Variants in TTF1 observed in about 807,000 individuals in gnomAD.
The protein encoded by TTF1 is transcription termination factor, RNA polymerase I.
A neutral mutation model predicts 80.2 loss-of-function variants in TTF1; 64 were observed. The ratio of observed to expected loss-of-function variants is 0.80; its 90% confidence interval spans 0.65 to 0.98. The LOEUF (loss-of-function observed/expected upper bound fraction) is 0.98. Among genes scored for constraint, TTF1 ranks in the 50% least tolerant of loss-of-function variants. TTF1 has a pLI of 0.00. For missense variants in TTF1, 1,023 were observed against 1,086.2 expected (o/e 0.94, Z 0.82); for synonymous variants, 372 against 382.7 (o/e 0.97, Z 0.33).
chr9:132,396,678 T>G (rs1048859704), intron 4 of TTF1, among the ~76,000 whole-genome samples, 167 bp from the exon 5 acceptor site: 14 of 150,504 alleles, frequency 9.3e-5, no homozygotes, highest in African/African-American at 2.7e-4. Flanking sequence ...TTGTTTGTTT[T>G]TTTTTTTTTG....
In TTF1 at chr9:132,402,060, C is replaced by T. The variant is rs1407417584; in HGVS notation, c.762G>A (p.Gln254=). 1 of 1,614,104 alleles carries T rather than the reference C, an allele frequency of 6.2e-7. No individual in the cohort carries two copies. Among genetic ancestry groups the T allele is most frequent in the Admixed American group, 1.7e-5 (1 of 60,010 alleles). Residue 254 remains glutamine (Q), a synonymous_variant, in exon 2 of 11, where the codon CAG becomes CAA. Transcript: ENST00000334270. ...REAGTDMQES[Q]PTVGLDDETP... is the part of the protein sequence containing the mutation. ...TTTCATCATCCAAGCCCACAGTAGG[C>T]TGGGATTCCTGCATATCAGTCCCGG...
chr9:132,399,143 G>C (rs1849710953), intron 3 of TTF1, among the ~76,000 whole-genome samples: 1 of 147,500 alleles, frequency 6.8e-6, no homozygotes, highest in Admixed American at 6.9e-5. Context: ...AGGTTGCAGT[G>C]AGCCGAGATC....
chr9:132,393,918 A>G (rs1036396377), intron 5 of TTF1, among the ~76,000 whole-genome samples: 1 of 151,550 alleles, frequency 6.6e-6, no homozygotes, highest in Non-Finnish European at 1.5e-5. Flanking sequence ...AAAAAATACA[A>G]TTTCTTTTTT....
In TTF1 at chr9:132,396,415, C is replaced by A. The variant is rs1420787355; in HGVS notation, c.1856+18G>T. ...ACTAGAGAAATGTTGTCTCAAGCTGCTAAGACTTTTTTCTTACCTGCCTTT... is the reference window on the plus strand; with the variant it reads ...ACTAGAGAAATGTTGTCTCAAGCTGATAAGACTTTTTTCTTACCTGCCTTT... On this transcript the variant is annotated intron_variant, in intron 5 of 10. Coordinates refer to ENST00000334270, the MANE Select transcript of TTF1 (RefSeq NM_007344.4). 1 of 1,612,744 alleles carries A rather than the reference C, an allele frequency of 6.2e-7. No homozygotes were observed. Among genetic ancestry groups the A allele is most frequent in the Non-Finnish European group, 8.5e-7 (1 of 1,178,718 alleles).
At position 132,401,673 on chromosome 9, in the gene TTF1, G is replaced by C; in HGVS notation, c.1149C>G (p.Asn383Lys). 3 of 1,614,170 alleles carry C rather than the reference G, an allele frequency of 1.9e-6. No homozygotes were observed. The highest frequency in any genetic ancestry group is 1.6e-4 in the Middle Eastern group (1 of 6,062). The change falls in exon 2 of 11, where the codon AAC (asparagine) becomes AAG (lysine). Residue 383 changes from asparagine (N) to lysine (K), a missense_variant. Physicochemically the swap from Asn to Lys is moderately conservative, Grantham distance 94. Transcript: ENST00000334270. ...STALKGFKES[N>K]STKKKSKKRK... is the part of the protein sequence containing the mutation. ...TTTTCTTAGACTTCTTCTTTGTACTGTTGGATTCCTTGAACCCTTTAAGAG... is the reference window on the plus strand; with the variant it reads ...TTTTCTTAGACTTCTTCTTTGTACTCTTGGATTCCTTGAACCCTTTAAGAG...
In TTF1 at chr9:132,386,560, T is replaced by C. The variant is rs369763860; in HGVS notation, c.2374A>G (p.Ile792Val). ...EIDWEDLASA[I>V]GDVPPSYVQT... The stretch of plus-strand genomic sequence containing the variant: ...ATATTAAACAAATGGTCTTACCCTA[T>C]GGCACTAGCAAGATCTTCCCAGTCT... Residue 792 changes from isoleucine to valine, a missense_variant, in exon 9 of 11, where the codon ATA (isoleucine) becomes GTA (valine). By Grantham distance (29) the Ile-to-Val change is conservative. Transcript: ENST00000334270. 18 of 1,610,254 alleles carry C rather than the reference T, an allele frequency of 1.1e-5. No individual in the cohort carries two copies. Among genetic ancestry groups the C allele is most frequent in the Non-Finnish European group, 1.5e-5 (18 of 1,176,704 alleles).
At chr9:132,386,703 C>G in intron 8 of TTF1, 82 bp from the exon 9 acceptor site, 3 of 1,183,268 alleles carry the variant, frequency 2.5e-6, no homozygotes, top group African/African-American at 1.5e-5. Flanking sequence ...GTGCTGAGAG[C>G]TGGAAGGTAT....
Position 132,402,420 on chromosome 9 carries a change from C to A in TTF1, c.402G>T (p.Gln134His), listed in dbSNP as rs151133115. 2 of 1,614,088 alleles carry A rather than the reference C, an allele frequency of 1.2e-6. No individual in the cohort carries two copies. The highest frequency in any genetic ancestry group is 2.7e-5 in the African/African-American group (2 of 74,916). Residue 134 changes from glutamine to histidine, a missense_variant, in exon 2 of 11, where the codon CAG becomes CAT. By Grantham distance (24) the Gln-to-His change is conservative. Transcript: ENST00000334270. Reference sequence around the variant, plus strand: ...CTGTTTTAGGCTTTCTTGGTAACTTCTGTTCTATGCTCATATCAACACAAA... The same window carrying A: ...CTGTTTTAGGCTTTCTTGGTAACTTATGTTCTATGCTCATATCAACACAAA... The part of the protein sequence containing the change: ...DVVCVDMSIE[Q>H]KLPRKPKTDK...
intron 2 of TTF1, 113 bp downstream of exon 2, chr9:132,401,342 A>C: frequency 1.0e-6 from 1 of 961,786 alleles, no homozygotes; most frequent in East Asian, 3.7e-5. Flanking sequence ...TAAATAAATA[A>C]ATAAATAAAA....
At chr9:132,381,498 G>A (rs917100276) in intron 9 of TTF1, among the ~76,000 whole-genome samples, 4 of 152,050 alleles carry the variant, frequency 2.6e-5, no homozygotes, top group Admixed American at 1.3e-4. Context: ...CCGAAAAGTT[G>A]AATTTTTAAA....
intron 7 of TTF1, among the ~76,000 whole-genome samples, chr9:132,390,085 C>T (rs1319535418): frequency 6.6e-6 from 1 of 152,184 alleles, no homozygotes; most frequent in Non-Finnish European, 1.5e-5. Context: ...AAGCGATTCT[C>T]CTGCCTCAGC....
chr9:132,376,533 C>A (rs1292811333), intron 10 of TTF1, among the ~76,000 whole-genome samples: 1 of 152,128 alleles, frequency 6.6e-6, no homozygotes, highest in Non-Finnish European at 1.5e-5. Flanking sequence ...AGGAGAAATA[C>A]CAGTGCCGTG....
At chr9:132,398,487 C>T (rs1849699141) in intron 3 of TTF1, among the ~76,000 whole-genome samples, 161 bp from the exon 4 acceptor site, 1 of 152,236 alleles carries the variant, frequency 6.6e-6, no homozygotes, top group African/African-American at 2.4e-5. Flanking sequence ...GCCTTTCCTT[C>T]AGGGTTCAGC....
Position 132,390,585 on chromosome 9 carries a change from G to C in TTF1, c.2222+12C>G, listed in dbSNP as rs781305703. The C allele has an allele frequency of 6.2e-6, 10 of 1,611,410 alleles. No homozygotes were observed. The South Asian group carries it at 9.9e-5, about 16-fold the overall frequency. On this transcript the variant is annotated intron_variant, in intron 7 of 10. Transcript: ENST00000334270. ...GCTGGAGAGACAGAGAAAGAGAGAG[G>C]GAAGAACTTACCACTTACTTTTACA...
Position 132,401,890 on chromosome 9 carries a change from C to T in TTF1, c.932G>A (p.Arg311Gln), listed in dbSNP as rs576597360. ...SEVGADMQES[R>Q]PAVGLHGETA... is the part of the protein sequence containing the mutation. Reference sequence around the variant, plus strand: ...TTCACCATGCAGGCCCACAGCAGGCCGGGATTCCTGCATATCAGCCCCAAC... The same window carrying T: ...TTCACCATGCAGGCCCACAGCAGGCTGGGATTCCTGCATATCAGCCCCAAC... Residue 311 changes from arginine to glutamine, a missense_variant, in exon 2 of 11, where the codon CGG becomes CAG. Physicochemically the swap from Arg to Gln is conservative, Grantham distance 43 (BLOSUM62 1). Transcript: ENST00000334270. 1.5e-5 allele frequency: 24 copies of T among 1,610,472 alleles called. 1 individual carries two copies. The highest frequency in any genetic ancestry group is 1.5e-4 in the African/African-American group (11 of 74,660).
intron 3 of TTF1, 138 bp downstream of exon 3, chr9:132,399,897 T>C (rs1459614993): frequency 7.5e-6 from 7 of 928,160 alleles, no homozygotes; most frequent in Non-Finnish European, 1.1e-5. Context: ...GCTTGGACAA[T>C]TCTGGTAGGA....
chr9:132,402,618 T>C lies in TTF1; in HGVS notation c.204A>G (p.Lys68=). The change falls in exon 2 of 11, where the codon AAA becomes AAG. Residue 68 remains lysine, a synonymous_variant. Transcript: ENST00000334270. ...CAGTCTCATCACAGATTCTGGATTTTTTCAAAGGAGAAGAAATGAGATGCT... is the reference window on the plus strand; with the variant it reads ...CAGTCTCATCACAGATTCTGGATTTCTTCAAAGGAGAAGAAATGAGATGCT... ...DFQHLISSPL[K]KSRICDETAN... 6.2e-7 allele frequency: 1 copy of C among 1,613,448 alleles called. No individual in the cohort carries two copies. Among genetic ancestry groups the C allele is most frequent in the Non-Finnish European group, 8.5e-7 (1 of 1,179,854 alleles).
At chr9:132,379,656 C>A (rs769690233) in intron 9 of TTF1, among the ~76,000 whole-genome samples, 1 of 152,180 alleles carries the variant, frequency 6.6e-6, no homozygotes, top group Admixed American at 6.5e-5. Flanking sequence ...TAGTGTGACT[C>A]CAGATCCTAC....
In TTF1 at chr9:132,400,036, T is replaced by C. The variant is rs1849731165; in HGVS notation, c.1590A>G (p.Gln530=). 3 of 1,614,092 alleles carry C rather than the reference T, an allele frequency of 1.9e-6. No individual in the cohort carries two copies. Among genetic ancestry groups the C allele is most frequent in the African/African-American group, 1.3e-5 (1 of 74,924 alleles). ...AACACTAAGGCCCCACAAGCTCACC[T>C]TGTGCTTTAAATTCCTTAAACCGTT... ...DLERFKEFKA[Q]GVAIKFGKFS... is the part of the protein sequence containing the mutation. The change falls in exon 3 of 11, where the codon CAA becomes CAG. Residue 530 remains glutamine (Q), a splice_region_variant and synonymous_variant. Coordinates refer to ENST00000334270, the MANE Select transcript of TTF1 (RefSeq NM_007344.4).
Sources: gnomAD v4.1 joint callset for allele counts (sites outside exome capture counted in the v4.1 genomes callset) on GRCh38, gnomAD v4.1.1 for gene constraint, MANE v1.5 for transcripts, NCBI Gene and HGNC (gene_info 2026-07-23, HGNC 2026-07-21) for gene names.